STAB2: variants seen among roughly 807,000 people sequenced by gnomAD.
The protein encoded by STAB2 is stabilin-2.
Under a neutral mutation model 338.1 loss-of-function variants are expected in STAB2, and 288 were observed. The observed-to-expected ratio is 0.85, with a 90% CI of 0.77 to 0.94. The LOEUF (loss-of-function observed/expected upper bound fraction) is 0.94. Ranked by LOEUF, STAB2 falls within the 40% of genes least tolerant of loss-of-function variation. STAB2 has a pLI of 0.00. For missense variants in STAB2, 3,141 were observed against 3,210.1 expected, an observed-to-expected ratio of 0.98 and a Z score of 0.52; for synonymous variants, 1,202 against 1,193.3, an observed-to-expected ratio of 1.01 and a Z score of -0.15.
chr12:103,639,978 T>A, intron 8 of STAB2, 145 bp from the exon 9 acceptor site: 2 of 930,424 alleles, frequency 2.1e-6, no homozygotes, highest in Non-Finnish European at 3.1e-6. Flanking sequence ...TTTTAGATAC[T>A]TTGACAAATT....
chr12:103,677,203 C>T (rs141034025), intron 24 of STAB2, among the ~76,000 whole-genome samples: 1 of 152,292 alleles, frequency 6.6e-6, no homozygotes, highest in Admixed American at 6.5e-5. Flanking sequence ...ACCTGCAAAA[C>T]AATATAAACA....
intron 56 of STAB2, among the ~76,000 whole-genome samples, chr12:103,742,839 C>G (rs1039528319): frequency 9.2e-5 from 14 of 152,266 alleles, no homozygotes; most frequent in South Asian, 2.1e-4. Flanking sequence ...TTTACTAAGT[C>G]CTTACTAATA....
intron 3 of STAB2, among the ~76,000 whole-genome samples, chr12:103,607,001 C>CAAAA (rs1173485734): frequency 1.3e-5 from 2 of 151,912 alleles, no homozygotes; most frequent in East Asian, 3.9e-4. Context: ...AAACAAAAAA[C>CAAAA]AAAAACAAAA....
At chr12:103,639,979 T>A in intron 8 of STAB2, 144 bp from the exon 9 acceptor site, 1 of 935,826 alleles carries the variant, frequency 1.1e-6, no homozygotes, top group South Asian at 2.1e-5. Flanking sequence ...TTTAGATACT[T>A]TGACAAATTT....
At position 103,766,290 on chromosome 12, in the gene STAB2, CTG is replaced by C. The variant is rs1884958495; in HGVS notation, c.7611_7612del (p.Glu2538ArgfsTer5). On this transcript the variant is annotated frameshift_variant, in exon 69 of 69. Coordinates refer to ENST00000388887, the MANE Select transcript of STAB2 (RefSeq NM_017564.10). LOFTEE classifies it high-confidence loss of function. ...TTACAACCCTCTCTTTTCCAGGACT[CTG>C]AAGAACGGCAGCTTGAGGGCAATGA... 1.2e-6 allele frequency: 2 copies of C among 1,614,032 alleles called. No individual in the cohort carries two copies. Among genetic ancestry groups the C allele is most frequent in the African/African-American group, 2.7e-5 (2 of 74,922 alleles).
intron 12 of STAB2, 82 bp downstream of exon 12, chr12:103,652,787 G>T: frequency 7.1e-7 from 1 of 1,402,962 alleles, no homozygotes; most frequent in Non-Finnish European, 9.4e-7. Context: ...CTTTTTGTTT[G>T]GGGTTTGTGA....
At chr12:103,707,572 T>G (rs1026072206) in intron 38 of STAB2, among the ~76,000 whole-genome samples, 1 of 152,200 alleles carries the variant, frequency 6.6e-6, no homozygotes, top group Admixed American at 6.5e-5. Flanking sequence ...GACACATGCT[T>G]TAAGTAGTTT....
At chr12:103,605,551 TGAGA>T (rs1957015063) in intron 3 of STAB2, among the ~76,000 whole-genome samples, 1 of 152,124 alleles carries the variant, frequency 6.6e-6, no homozygotes, top group East Asian at 1.9e-4. Flanking sequence ...TATTGATTAT[TGAGA>T]GAGAGGTACT....
chr12:103,764,977 A>G (rs369260771), intron 68 of STAB2, among the ~76,000 whole-genome samples: 2 of 151,506 alleles, frequency 1.3e-5, no homozygotes, highest in East Asian at 3.9e-4. Flanking sequence ...AATCCCAGCT[A>G]CACGGGAGGC....
Position 103,705,614 on chromosome 12 carries a change from G to T in STAB2, c.3901-18G>T. On this transcript the variant is annotated intron_variant, in intron 36 of 68. Coordinates refer to ENST00000388887, the MANE Select transcript of STAB2 (RefSeq NM_017564.10). The stretch of plus-strand genomic sequence containing the variant: ...TTTTCCTAACTTAGGAGCTGACGTA[G>T]TCATTAATATTTCACAGGGTAATGA... 6.2e-7 allele frequency: 1 copy of T among 1,612,072 alleles called. No individual in the cohort carries two copies.
intron 25 of STAB2, among the ~76,000 whole-genome samples, chr12:103,682,076 T>C (rs1289846982): frequency 6.6e-6 from 1 of 151,370 alleles, no homozygotes; most frequent in East Asian, 1.9e-4. Flanking sequence ...TATTACAGTA[T>C]CTGTCTCCTC....
chr12:103,728,794 C>T lies in STAB2; in HGVS notation c.4936-55C>T, dbSNP rs947041720. On this transcript the variant is annotated intron_variant, in intron 47 of 68. Coordinates refer to ENST00000388887, the MANE Select transcript of STAB2 (RefSeq NM_017564.10). ...TGGAGGACAGGAGAGCCAAATGGCA[C>T]ATTGCAGCAAAAGACTCCTGCCTCT... 57 of 1,604,838 alleles carry T rather than the reference C, an allele frequency of 3.6e-5. No homozygotes were observed. The African/African-American group carries it at 7.6e-4, about 21-fold the overall frequency.
chr12:103,661,221 A>C (rs1023043257), intron 17 of STAB2, among the ~76,000 whole-genome samples: 6 of 37,126 alleles, frequency 1.6e-4, no homozygotes, highest in Middle Eastern at 0.019. Context: ...TCCAGACAAA[A>C]AAAAAAAAAA....
chr12:103,692,334 G>C (rs1198341710), intron 30 of STAB2, among the ~76,000 whole-genome samples: 2 of 152,128 alleles, frequency 1.3e-5, no homozygotes, highest in African/African-American at 2.4e-5. Flanking sequence ...TGAAGACCCT[G>C]TCTGTAAAGT....
intron 68 of STAB2, among the ~76,000 whole-genome samples, chr12:103,764,634 G>A (rs1013374658): frequency 6.6e-6 from 1 of 152,090 alleles, no homozygotes; most frequent in Non-Finnish European, 1.5e-5. Flanking sequence ...GTTGAAGTTT[G>A]TATAGTGTAA....
chr12:103,644,091 G>T (rs1483911322), intron 9 of STAB2, among the ~76,000 whole-genome samples: 1 of 102,742 alleles, frequency 9.7e-6, no homozygotes, highest in African/African-American at 3.5e-5. Context: ...GAATAGAAAG[G>T]GGGGAAAGGT....
chr12:103,705,858 A>G lies in STAB2; in HGVS notation c.3996+131A>G, dbSNP rs925137097. The G allele has an allele frequency of 1.8e-5, 15 of 812,692 alleles. No individual in the cohort carries two copies. In the Admixed American group the frequency reaches 1.9e-4, roughly 10 times the overall value. 50.3% of individuals were successfully genotyped at this position (812,692 alleles called of 1,614,324 possible). A position where few individuals can be genotyped will look rare whatever the true frequency, so the allele number is the denominator to read the frequency against. ...CCTCTTCCTTGTTACCTGCATTATCATTGTCATCCAATGTAGTAGTGGTAG... is the reference window on the plus strand; with the variant it reads ...CCTCTTCCTTGTTACCTGCATTATCGTTGTCATCCAATGTAGTAGTGGTAG... On this transcript the variant is annotated intron_variant, in intron 37 of 68. Transcript: ENST00000388887.
intron 5 of STAB2, among the ~76,000 whole-genome samples, chr12:103,630,100 G>A (rs914018274): frequency 1.3e-5 from 2 of 152,170 alleles, no homozygotes; most frequent in Non-Finnish European, 2.9e-5. Flanking sequence ...TTTGGGGAAG[G>A]TCACCCTGAT....
intron 33 of STAB2, 92 bp from the exon 34 acceptor site, chr12:103,699,004 C>G: frequency 6.8e-7 from 1 of 1,464,968 alleles, no homozygotes; most frequent in Non-Finnish European, 9.1e-7. Context: ...TGTTGTTCCT[C>G]TTTGTAATCT....
Sources: allele counts gnomAD v4.1 joint callset (sites outside exome capture counted in the v4.1 genomes callset), GRCh38; gene constraint gnomAD v4.1.1; transcripts MANE v1.5; gene names NCBI Gene and HGNC (gene_info 2026-07-23, HGNC 2026-07-21).